B3GALT1: variants seen among roughly 807,000 people sequenced by gnomAD.
B3GALT1 encodes the protein UDP-Gal:betaGlcNAc beta 1,3-galactosyltransferase, polypeptide 1.
Under a neutral mutation model 23.2 loss-of-function variants are expected in B3GALT1, and 10 were observed. That is an observed-to-expected ratio of 0.43 (90% CI 0.27 to 0.73). The LOEUF (loss-of-function observed/expected upper bound fraction) is 0.73. B3GALT1 is among the 30% of genes least tolerant of loss of function. B3GALT1 has a pLI of 0.21. For missense variants in B3GALT1, 299 were observed against 405.4 expected (o/e 0.74, Z 2.25); for synonymous variants, 156 against 141.5 (o/e 1.10, Z -0.73).
chr2:167,766,993 T>C (rs971959144), intron 3 of B3GALT1, among the ~76,000 whole-genome samples: 1 of 152,194 alleles, frequency 6.6e-6, no homozygotes, highest in African/African-American at 2.4e-5. Flanking sequence ...GTCTTCAGGA[T>C]TGTACTGGGA....
chr2:167,351,124 C>A (rs569286075), intron 1 of B3GALT1, among the ~76,000 whole-genome samples: 1 of 152,052 alleles, frequency 6.6e-6, no homozygotes, highest in Non-Finnish European at 1.5e-5. Context: ...TAAAACTTAG[C>A]TGGGCATGGT....
chr2:167,685,391 C>T (rs1574212067), intron 3 of B3GALT1, among the ~76,000 whole-genome samples: 1 of 152,164 alleles, frequency 6.6e-6, no homozygotes, highest in Admixed American at 6.5e-5. Context: ...CAGTGCCTAG[C>T]TATCCATTAT....
chr2:167,407,599 A>G (rs1158606931), intron 1 of B3GALT1, among the ~76,000 whole-genome samples: 1 of 152,086 alleles, frequency 6.6e-6, no homozygotes, highest in Non-Finnish European at 1.5e-5. Context: ...TAGCTATGCT[A>G]AGGACAAAAG....
At chr2:167,405,457 C>T (rs1432021746) in intron 1 of B3GALT1, among the ~76,000 whole-genome samples, 1 of 151,854 alleles carries the variant, frequency 6.6e-6, no homozygotes, top group Non-Finnish European at 1.5e-5. Context: ...GAAATCTTTC[C>T]TTATTATAAT....
chr2:167,825,079 A>T (rs1037330564), intron 4 of B3GALT1, among the ~76,000 whole-genome samples: 3 of 151,964 alleles, frequency 2.0e-5, no homozygotes, highest in Non-Finnish European at 4.4e-5. Flanking sequence ...AGGTCAGGAG[A>T]TCGAGACCAT....
chr2:167,835,044 G>C (rs2105385082), intron 4 of B3GALT1, among the ~76,000 whole-genome samples: 1 of 152,232 alleles, frequency 6.6e-6, no homozygotes, highest in Middle Eastern at 3.4e-3. Flanking sequence ...CCTTTTTGAG[G>C]GGAGGAGCCA....
At chr2:167,566,496 T>TATAATA (rs567728985) in intron 2 of B3GALT1, among the ~76,000 whole-genome samples, 3 of 150,532 alleles carry the variant, frequency 2.0e-5, no homozygotes, top group African/African-American at 7.3e-5. Flanking sequence ...AAACTTAAAG[T>TATAATA]ATAATAATAA....
intron 4 of B3GALT1, among the ~76,000 whole-genome samples, chr2:167,836,202 G>A (rs1689467290): frequency 6.6e-6 from 1 of 152,308 alleles, no homozygotes; most frequent in Admixed American, 6.5e-5. Context: ...CAAGTTGAGA[G>A]AAGAAGGCTT....
chr2:167,813,167 A>C (rs767776938), intron 3 of B3GALT1, among the ~76,000 whole-genome samples: 1 of 152,234 alleles, frequency 6.6e-6, no homozygotes, highest in Non-Finnish European at 1.5e-5. Context: ...GAAGCAATGA[A>C]TATAACAGGA....
At chr2:167,361,615 C>G (rs1697501062) in intron 1 of B3GALT1, among the ~76,000 whole-genome samples, 2 of 152,186 alleles carry the variant, frequency 1.3e-5, no homozygotes, top group South Asian at 2.1e-4. Flanking sequence ...AAAAAATTCT[C>G]TCTGCTTTTC....
rs1303854756 is a variant in B3GALT1 at position 167,435,971 on chromosome 2, ACACACACACACG to A, written c.-510-54194_-510-54183del. Among the ~76,000 whole-genome samples, 1,051 of 118,264 alleles carry A rather than the reference ACACACACACACG, an allele frequency of 8.9e-3. 13 individuals are homozygous for A. Among genetic ancestry groups the A allele is most frequent in the African/African-American group, 0.039 (988 of 25,606 alleles). The allele number at this position is 118,264 out of a possible 152,430, so 77.6% of individuals were successfully genotyped here. A position where few individuals can be genotyped will look rare whatever the true frequency, so the allele number is the denominator to read the frequency against. ...CACACACAAACACACACACACACAC[ACACACACACACG>A]CACACACACACACGCACTAGTCCAA... is the stretch of plus-strand genomic sequence containing the variant. On this transcript the variant is annotated intron_variant, in intron 1 of 4. Transcript: ENST00000392690.
chr2:167,772,423 G>A (rs947823740), intron 3 of B3GALT1, among the ~76,000 whole-genome samples: 9 of 152,122 alleles, frequency 5.9e-5, no homozygotes, highest in African/African-American at 2.2e-4. Context: ...GAGACTGCAG[G>A]CTTAGGTAAA....
chr2:167,389,671 G>C (rs1319000958), intron 1 of B3GALT1, among the ~76,000 whole-genome samples: 12 of 152,092 alleles, frequency 7.9e-5, no homozygotes, highest in Admixed American at 7.9e-4. Flanking sequence ...TTATTTGCCA[G>C]AGGACCCTAG....
At chr2:167,406,380 A>G (rs751472671) in intron 1 of B3GALT1, among the ~76,000 whole-genome samples, 3 of 152,146 alleles carry the variant, frequency 2.0e-5, no homozygotes, top group Non-Finnish European at 4.4e-5. Flanking sequence ...CACCAGCAAC[A>G]ACCCAGAACT....
chr2:167,718,165 GA>G (rs1687180016), intron 3 of B3GALT1, among the ~76,000 whole-genome samples: 2 of 152,114 alleles, frequency 1.3e-5, no homozygotes, highest in Non-Finnish European at 2.9e-5. Flanking sequence ...CCAAATTACA[GA>G]AGGTCAGGAA....
At chr2:167,500,976 G>T (rs942338535) in intron 2 of B3GALT1, among the ~76,000 whole-genome samples, 1 of 151,952 alleles carries the variant, frequency 6.6e-6, no homozygotes, top group Non-Finnish European at 1.5e-5. Context: ...TGGATAATTT[G>T]GCTTTTTTTC....
Position 167,561,575 on chromosome 2 carries a change from A to G in B3GALT1, c.-410+71298A>G, listed in dbSNP as rs1204179718. Reference sequence around the variant, plus strand: ...GACCGCTAGCAAGACTAATGAAGAAAAAAAGAGAGAAGAATCAAATAGACA... The same window carrying G: ...GACCGCTAGCAAGACTAATGAAGAAGAAAAGAGAGAAGAATCAAATAGACA... On this transcript the variant is annotated intron_variant, in intron 2 of 4. Transcript: ENST00000392690. Among the ~76,000 whole-genome samples, 6 of 152,238 alleles carry G rather than the reference A, an allele frequency of 3.9e-5. No homozygotes were observed. The South Asian group carries it at 1.2e-3, about 32-fold the overall frequency.
At chr2:167,831,308 G>A (rs2105379704) in intron 4 of B3GALT1, among the ~76,000 whole-genome samples, 1 of 152,320 alleles carries the variant, frequency 6.6e-6, no homozygotes, top group South Asian at 2.1e-4. Context: ...TATACGAGGT[G>A]CATCTGCTGT....
At chr2:167,738,228 C>T (rs1687522795) in intron 3 of B3GALT1, among the ~76,000 whole-genome samples, 1 of 152,142 alleles carries the variant, frequency 6.6e-6, no homozygotes, top group Non-Finnish European at 1.5e-5. Context: ...AAGCACAAAA[C>T]ACCATTGAAA....
Sources: allele counts gnomAD v4.1 joint callset (sites outside exome capture counted in the v4.1 genomes callset), GRCh38; gene constraint gnomAD v4.1.1; transcripts MANE v1.5; gene names NCBI Gene and HGNC (gene_info 2026-07-23, HGNC 2026-07-21).